The following TXLNG variants were observed in gnomAD, a reference collection of about 807,000 sequenced individuals.
The protein encoded by TXLNG is gamma-taxilin.
In TXLNG, 5 loss-of-function variants were observed where a neutral mutation model predicts 38.8. The ratio of observed to expected loss-of-function variants is 0.13; its 90% CI spans 0.07 to 0.27. The LOEUF is 0.27. TXLNG is among the 10% of genes least tolerant of loss of function. TXLNG has a pLI of 1.00. For synonymous variants in TXLNG, 182 were observed against 158.2 expected (o/e 1.15, Z -1.13); for missense variants, 393 against 398.2 (o/e 0.99, Z 0.11).
At chrX:16,827,088 GC>G (rs1929196483) in intron 3 of TXLNG, among the ~76,000 whole-genome samples, 1 of 110,293 alleles carries the variant, frequency 9.1e-6, no homozygotes, top group Non-Finnish European at 1.9e-5. Flanking sequence ...AATTAGCTGG[GC>G]GTGGTGGCAG....
intron 9 of TXLNG, among the ~76,000 whole-genome samples, chrX:16,841,152 G>A (rs188887349): frequency 1.5e-3 from 163 of 108,149 alleles, no homozygotes; most frequent in African/African-American, 5.0e-3. Flanking sequence ...CCGAGATCAC[G>A]CCATTGCACT....
intron 1 of TXLNG, among the ~76,000 whole-genome samples, chrX:16,799,702 C>T (rs1456922983): frequency 1.8e-5 from 2 of 110,137 alleles, no homozygotes; most frequent in Non-Finnish European, 3.8e-5. Context: ...ACCCAGGAGG[C>T]GGAGGTTGCA....
intron 1 of TXLNG, among the ~76,000 whole-genome samples, chrX:16,791,562 A>G (rs1927706058): frequency 8.9e-6 from 1 of 111,742 alleles, no homozygotes; most frequent in Non-Finnish European, 1.9e-5. Flanking sequence ...ATGTTATTGG[A>G]ACGTGTTTTA....
intron 1 of TXLNG, among the ~76,000 whole-genome samples, chrX:16,816,426 G>T (rs1928747513): frequency 8.9e-6 from 1 of 112,876 alleles, no homozygotes. Context: ...CCTCAAACTT[G>T]CCTTAGCCCC....
At position 16,812,456 on chromosome X, in the gene TXLNG, C is replaced by T. The variant is rs191273193; in HGVS notation, c.103-6118C>T. 4.6e-3 allele frequency among the ~76,000 whole-genome samples: 473 copies of T among 101,891 alleles called. 2 individuals carry two copies. The highest frequency in any genetic ancestry group is 0.016 in the African/African-American group (429 of 27,598). 88.5% of individuals were successfully genotyped at this position (101,891 alleles called of 115,157 possible). A position where few individuals can be genotyped will look rare whatever the true frequency, so the allele number is the denominator to read the frequency against. On this transcript the variant is annotated intron_variant, in intron 1 of 9. Coordinates refer to ENST00000380122, the MANE Select transcript of TXLNG (RefSeq NM_018360.3). Reference sequence around the variant, plus strand: ...TGTCCCAGGCTGGAATGCAGTGGCGCGATCTCGGCTCACTGCAACCTCCGC... The same window carrying T: ...TGTCCCAGGCTGGAATGCAGTGGCGTGATCTCGGCTCACTGCAACCTCCGC...
At chrX:16,795,812 ATT>A (rs758666977) in intron 1 of TXLNG, among the ~76,000 whole-genome samples, 8 of 97,847 alleles carry the variant, frequency 8.2e-5, no homozygotes, top group Admixed American at 1.1e-4. Context: ...GTATAATTCA[ATT>A]TTTTTTTTTT....
At chrX:16,834,240 G>C (rs1929512708) in intron 6 of TXLNG, 43 bp from the exon 7 acceptor site, 1 of 1,083,387 alleles carries the variant, frequency 9.2e-7, no homozygotes, top group Non-Finnish European at 1.3e-6. Flanking sequence ...AGTCCTGCTT[G>C]TAATTACCAT....
At chrX:16,834,245 T>C (rs766515302) in intron 6 of TXLNG, 38 bp from the exon 7 acceptor site, 11 of 1,110,788 alleles carry the variant, frequency 9.9e-6, no homozygotes, top group Non-Finnish European at 1.4e-5. Flanking sequence ...TGCTTGTAAT[T>C]ACCATTAGCA....
chrX:16,795,067 G>A (rs951839826), intron 1 of TXLNG, among the ~76,000 whole-genome samples: 9 of 110,524 alleles, frequency 8.1e-5, no homozygotes, highest in Admixed American at 2.0e-4. Context: ...CACGAGGTCA[G>A]GAGATCGAGA....
At chrX:16,795,973 C>T (rs982485308) in intron 1 of TXLNG, among the ~76,000 whole-genome samples, 2 of 108,852 alleles carry the variant, frequency 1.8e-5, no homozygotes, top group African/African-American at 6.7e-5. Context: ...CCACCGTGCC[C>T]GGCTAATTTT....
chrX:16,830,492 G>A, intron 5 of TXLNG, among the ~76,000 whole-genome samples: 1 of 105,019 alleles, frequency 9.5e-6, no homozygotes. Context: ...GACAGGGTTA[G>A]AGGCTTTAGG....
chrX:16,801,705 G>A (rs1283585011), intron 1 of TXLNG, among the ~76,000 whole-genome samples: 1 of 111,291 alleles, frequency 9.0e-6, no homozygotes, highest in Non-Finnish European at 1.9e-5. Flanking sequence ...GGGTTGGAGG[G>A]AAAGAGATTG....
intron 1 of TXLNG, among the ~76,000 whole-genome samples, chrX:16,798,700 T>C (rs1927973162): frequency 9.1e-6 from 1 of 109,941 alleles, no homozygotes; most frequent in Admixed American, 9.8e-5. Flanking sequence ...AGCCTCCTGC[T>C]TCAGCCTCCC....
At chrX:16,820,869 C>T (rs760193370) in intron 3 of TXLNG, among the ~76,000 whole-genome samples, 3 of 109,592 alleles carry the variant, frequency 2.7e-5, no homozygotes, top group Non-Finnish European at 3.8e-5. Flanking sequence ...CCCGGGTTCA[C>T]GCCATTCTCC....
chrX:16,796,612 T>C (rs1206948155), intron 1 of TXLNG, among the ~76,000 whole-genome samples: 3 of 112,001 alleles, frequency 2.7e-5, no homozygotes, highest in Non-Finnish European at 5.6e-5. Flanking sequence ...ATTCCACTGA[T>C]TGGCAGATCT....
At chrX:16,830,783 TAGAG>T (rs1929364644) in intron 5 of TXLNG, among the ~76,000 whole-genome samples, 1 of 100,695 alleles carries the variant, frequency 9.9e-6, no homozygotes, top group South Asian at 4.5e-4. Context: ...TAACAAAAAG[TAGAG>T]AGATAATATA....
intron 1 of TXLNG, among the ~76,000 whole-genome samples, chrX:16,817,882 T>C (rs1484023101): frequency 8.9e-6 from 1 of 112,330 alleles, no homozygotes; most frequent in Non-Finnish European, 1.9e-5. Flanking sequence ...TAGGGTGGCT[T>C]TCCTGTATGT....
rs1311233520 is a variant in TXLNG, at chrX:16,804,975, C to G, written c.103-13599C>G. Among the ~76,000 whole-genome samples the G allele has an allele frequency of 3.2e-4, 3 of 9,419 alleles. 1 individual carries two copies. The highest frequency in any genetic ancestry group is 4.9e-4 in the Non-Finnish European group (3 of 6,091). The allele number at this position is 9,419 out of a possible 115,157, so 8.2% of individuals were successfully genotyped here. ...CTCCAGTCACCACCACTGCCCACCC[C>G]CCCCCCCCGCTTTTTTTTTTTTTTT... On this transcript the variant is annotated intron_variant, in intron 1 of 9. Transcript: ENST00000380122.
intron 1 of TXLNG, among the ~76,000 whole-genome samples, chrX:16,793,835 C>G (rs1812433849): frequency 9.2e-6 from 1 of 108,796 alleles, no homozygotes; most frequent in African/African-American, 3.3e-5. Context: ...TTTTGAGAGA[C>G]AGGGTCTTCC....
Sources: allele counts gnomAD v4.1 joint callset (sites outside exome capture counted in the v4.1 genomes callset), GRCh38; gene constraint gnomAD v4.1.1; transcripts MANE v1.5; gene names NCBI Gene and HGNC (gene_info 2026-07-23, HGNC 2026-07-21).